Variants in PHACTR1 observed in about 807,000 individuals in gnomAD.
The protein encoded by PHACTR1 is phosphatase and actin regulator 1.
Under a neutral mutation model 69.2 loss-of-function variants are expected in PHACTR1, and 16 were observed. The ratio of observed to expected loss-of-function variants is 0.23; its 90% CI spans 0.16 to 0.35. The LOEUF is 0.35. Ranked by LOEUF, PHACTR1 falls within the 10% of genes least tolerant of loss-of-function variation. The probability of loss-of-function intolerance (pLI) is 1.00; values close to 1 mark genes in which losing one functional copy is unlikely to be tolerated. For synonymous variants in PHACTR1, 312 were observed against 284.5 expected (o/e 1.10, Z -0.97); for missense variants, 510 against 734.7 (o/e 0.69, Z 3.54).
intron 4 of PHACTR1, among the ~76,000 whole-genome samples, chr6:12,870,109 A>G (rs918652131): frequency 1.3e-5 from 2 of 150,632 alleles, no homozygotes; most frequent in African/African-American, 5.0e-5. Context: ...ACTGTGGATG[A>G]ATAAGGACAT....
At chr6:12,929,395 A>G (rs1788629177) in intron 4 of PHACTR1, among the ~76,000 whole-genome samples, 1 of 152,174 alleles carries the variant, frequency 6.6e-6, no homozygotes, top group African/African-American at 2.4e-5. Context: ...ACCTGACTCC[A>G]GAGACCCCAG....
At chr6:13,265,790 C>T (rs1776608244) in intron 10 of PHACTR1, among the ~76,000 whole-genome samples, 1 of 152,188 alleles carries the variant, frequency 6.6e-6, no homozygotes, top group South Asian at 2.1e-4. Flanking sequence ...AAGAACTCCC[C>T]TCCCCAGAAT....
At chr6:13,059,809 C>G (rs1249797267) in intron 5 of PHACTR1, among the ~76,000 whole-genome samples, 2 of 151,744 alleles carry the variant, frequency 1.3e-5, no homozygotes, top group African/African-American at 4.9e-5. Flanking sequence ...TTTGAGTCAA[C>G]TTTGTGATAT....
intron 5 of PHACTR1, among the ~76,000 whole-genome samples, chr6:13,145,060 A>T (rs1206511112): frequency 2.6e-5 from 4 of 152,354 alleles, no homozygotes; most frequent in African/African-American, 9.6e-5. Flanking sequence ...TCAATTGGTT[A>T]TCTATTTTTA....
intron 4 of PHACTR1, among the ~76,000 whole-genome samples, chr6:13,044,169 A>G (rs898711467): frequency 2.6e-5 from 4 of 152,096 alleles, no homozygotes; most frequent in African/African-American, 4.8e-5. Context: ...TCTGTTCACA[A>G]TGTGCTCTCT....
At chr6:13,095,462 G>A (rs549206777) in intron 5 of PHACTR1, among the ~76,000 whole-genome samples, 2 of 152,250 alleles carry the variant, frequency 1.3e-5, no homozygotes, top group African/African-American at 4.8e-5. Flanking sequence ...AATAGACGTG[G>A]TCTCTACCTA....
chr6:12,800,487 A>G (rs182905280), intron 4 of PHACTR1, among the ~76,000 whole-genome samples: 1 of 152,270 alleles, frequency 6.6e-6, no homozygotes, highest in Admixed American at 6.5e-5. Flanking sequence ...TTTTTCTCTT[A>G]AAGTTAAAAG....
intron 5 of PHACTR1, among the ~76,000 whole-genome samples, chr6:13,134,795 T>TA (rs35318262): frequency 0.12 from 13,404 of 110,186 alleles, 1,093 homozygotes; most frequent in South Asian, 0.2. Flanking sequence ...CAATAAATAC[T>TA]AAAAAAAAAA....
intron 5 of PHACTR1, among the ~76,000 whole-genome samples, chr6:13,096,189 C>A (rs976903795): frequency 6.6e-6 from 1 of 152,102 alleles, no homozygotes; most frequent in African/African-American, 2.4e-5. Flanking sequence ...AAACAACAGA[C>A]TTTTCTGGAT....
chr6:12,882,209 T>C (rs1783172959), intron 4 of PHACTR1, among the ~76,000 whole-genome samples: 1 of 151,904 alleles, frequency 6.6e-6, no homozygotes, highest in Non-Finnish European at 1.5e-5. Context: ...AAAAATAAGA[T>C]AGTAGCTTAA....
chr6:13,011,382 G>T (rs1799431532), intron 4 of PHACTR1, among the ~76,000 whole-genome samples: 1 of 152,212 alleles, frequency 6.6e-6, no homozygotes, highest in Non-Finnish European at 1.5e-5. Flanking sequence ...CAAACTCAGG[G>T]AGGACAGTTC....
At chr6:13,219,997 T>C (rs1768345594) in intron 8 of PHACTR1, among the ~76,000 whole-genome samples, 1 of 152,174 alleles carries the variant, frequency 6.6e-6, no homozygotes, top group African/African-American at 2.4e-5. Context: ...AGAAACCTCA[T>C]GTCCCCATTC....
intron 4 of PHACTR1, among the ~76,000 whole-genome samples, chr6:12,833,361 C>T (rs2127731719): frequency 6.6e-6 from 1 of 152,002 alleles, no homozygotes; most frequent in East Asian, 1.9e-4. Flanking sequence ...CAGGTTCACG[C>T]CATTCTCCTG....
At chr6:13,189,983 A>C (rs950399517) in intron 7 of PHACTR1, among the ~76,000 whole-genome samples, 8 of 150,274 alleles carry the variant, frequency 5.3e-5, no homozygotes, top group Non-Finnish European at 1.2e-4. Context: ...ATGTTCTCAC[A>C]TAACAGGGAG....
intron 6 of PHACTR1, among the ~76,000 whole-genome samples, chr6:13,182,099 G>A (rs1762250403): frequency 1.3e-5 from 2 of 152,072 alleles, no homozygotes; most frequent in Admixed American, 1.3e-4. Context: ...CGGGTGTGGT[G>A]GCACGTGCCT....
intron 5 of PHACTR1, among the ~76,000 whole-genome samples, chr6:13,108,526 A>G (rs994709928): frequency 6.6e-6 from 1 of 151,952 alleles, no homozygotes; most frequent in African/African-American, 2.4e-5. Flanking sequence ...TTTTTGATTA[A>G]TGTGTTTTCA....
At chr6:12,967,420 A>G (rs138171140) in intron 4 of PHACTR1, among the ~76,000 whole-genome samples, 1,630 of 152,350 alleles carry the variant, frequency 0.011, 33 homozygotes, top group African/African-American at 0.037. Context: ...AGTGGAAAAG[A>G]GTTCTCCTAC....
chr6:12,988,954 TG>T, intron 4 of PHACTR1, among the ~76,000 whole-genome samples: 1 of 152,338 alleles, frequency 6.6e-6, no homozygotes, highest in East Asian at 1.9e-4. Flanking sequence ...TTTTTGAACT[TG>T]GCAGAGTCCT....
chr6:12,877,841 T>G (rs542621390), intron 4 of PHACTR1, among the ~76,000 whole-genome samples: 1 of 152,354 alleles, frequency 6.6e-6, no homozygotes, highest in South Asian at 2.1e-4. Context: ...TTAGGCTCAG[T>G]GTCCACAATT....
Sources: allele counts gnomAD v4.1 joint callset (sites outside exome capture counted in the v4.1 genomes callset), GRCh38; gene constraint gnomAD v4.1.1; transcripts MANE v1.5; gene names NCBI Gene and HGNC (gene_info 2026-07-23, HGNC 2026-07-21).